Variants in PKN2 observed in about 807,000 individuals in gnomAD.
PKN2 encodes the protein serine/threonine-protein kinase N2.
Under a neutral mutation model 119.1 loss-of-function variants are expected in PKN2, and 38 were observed. The observed-to-expected ratio is 0.32, with a 90% CI of 0.25 to 0.42. PKN2 has a LOEUF of 0.42. Ranked by LOEUF, PKN2 falls within the 10% of genes least tolerant of loss-of-function variation. PKN2 has a pLI of 1.00. For missense variants in PKN2, 850 were observed against 1,165.1 expected, an observed-to-expected ratio of 0.73 and a Z score of 3.94; for synonymous variants, 390 against 384.9, an observed-to-expected ratio of 1.01 and a Z score of -0.15.
chr1:88,707,930 C>A (rs1363720478), intron 1 of PKN2, among the ~76,000 whole-genome samples: 1 of 151,932 alleles, frequency 6.6e-6, no homozygotes, highest in African/African-American at 2.4e-5. Context: ...GTTCTTGGGT[C>A]TATAGTTGTT....
intron 1 of PKN2, among the ~76,000 whole-genome samples, chr1:88,695,599 T>G (rs1476443437): frequency 6.6e-6 from 1 of 152,226 alleles, no homozygotes; most frequent in East Asian, 1.9e-4. Flanking sequence ...CTCATCTCTA[T>G]GTAGTGATAC....
At chr1:88,805,285 A>G (rs1005889779) in intron 10 of PKN2, among the ~76,000 whole-genome samples, 1 of 151,604 alleles carries the variant, frequency 6.6e-6, no homozygotes, top group Non-Finnish European at 1.5e-5. Context: ...TTAAAGAGAA[A>G]AAAACAATTT....
chr1:88,734,922 G>T (rs1049133046), intron 1 of PKN2, among the ~76,000 whole-genome samples: 1 of 151,990 alleles, frequency 6.6e-6, no homozygotes, highest in South Asian at 2.1e-4. Flanking sequence ...TGTAATTTTT[G>T]ATGTCCCATT....
At chr1:88,817,583 C>T (rs1672053139) in intron 16 of PKN2, among the ~76,000 whole-genome samples, 1 of 151,570 alleles carries the variant, frequency 6.6e-6, no homozygotes, top group Non-Finnish European at 1.5e-5. Flanking sequence ...CGGTGTAGGC[C>T]TGTAGTCTCG....
At chr1:88,799,691 T>C (rs1671231049) in intron 8 of PKN2, among the ~76,000 whole-genome samples, 1 of 152,214 alleles carries the variant, frequency 6.6e-6, no homozygotes, top group African/African-American at 2.4e-5. Flanking sequence ...AGATTTAGTC[T>C]AAATCAGATT....
intron 1 of PKN2, among the ~76,000 whole-genome samples, chr1:88,707,642 T>A (rs1262106889): frequency 6.6e-6 from 1 of 152,166 alleles, no homozygotes; most frequent in African/African-American, 2.4e-5. Context: ...ATAGTTCCTT[T>A]TCCTTACAGA....
intron 1 of PKN2, among the ~76,000 whole-genome samples, chr1:88,703,546 A>G (rs986446905): frequency 3.3e-5 from 5 of 152,176 alleles, no homozygotes; most frequent in Admixed American, 6.5e-5. Context: ...ATCCAGGCTA[A>G]TGATCTTTTC....
rs200205890 is a variant in PKN2 at position 88,708,972 on chromosome 1, T to TG, written c.48+24345dup. On this transcript the variant is annotated intron_variant, in intron 1 of 21. Coordinates refer to ENST00000370521, the MANE Select transcript of PKN2 (RefSeq NM_006256.4). ...CAGTTGTATTTTGACATTGAGCAGC[T>TG]GTCTTTCCATTCATTCAGCAAGTAT... 7.7e-3 allele frequency among the ~76,000 whole-genome samples: 1,174 copies of TG among 152,162 alleles called. 17 individuals carry two copies. Among genetic ancestry groups the TG allele is most frequent in the African/African-American group, 0.027 (1,120 of 41,506 alleles).
At chr1:88,832,450 A>G (rs1672768046) in intron 19 of PKN2, among the ~76,000 whole-genome samples, 1 of 152,050 alleles carries the variant, frequency 6.6e-6, no homozygotes, top group African/African-American at 2.4e-5. Flanking sequence ...AATTAAATGA[A>G]AAGTCATATC....
chr1:88,755,684 A>G (rs1669169202), intron 2 of PKN2, among the ~76,000 whole-genome samples: 1 of 152,152 alleles, frequency 6.6e-6, no homozygotes, highest in African/African-American at 2.4e-5. Context: ...TTTGTGGCTA[A>G]GGAAACTGTA....
At chr1:88,803,531 G>A (rs1432321537) in intron 8 of PKN2, among the ~76,000 whole-genome samples, 2 of 152,136 alleles carry the variant, frequency 1.3e-5, no homozygotes, top group African/African-American at 2.4e-5. Flanking sequence ...ATGTATATAC[G>A]TTAAAACATA....
chr1:88,721,860 A>T (rs114420957), intron 1 of PKN2, among the ~76,000 whole-genome samples: 3,518 of 152,312 alleles, frequency 0.023, 64 homozygotes, highest in Middle Eastern at 0.044. Flanking sequence ...GAAACCTCCT[A>T]CCACTCTATG....
In PKN2 at chr1:88,832,976, A is replaced by G; in HGVS notation, c.2671-101A>G. The G allele has an allele frequency of 4.6e-6, 6 of 1,317,834 alleles. No homozygotes were observed. The South Asian group carries it at 6.9e-5, about 15-fold the overall frequency. The allele number at this position is 1,317,834 out of a possible 1,614,324, so 81.6% of individuals were successfully genotyped here. On this transcript the variant is annotated intron_variant, in intron 20 of 21. Transcript: ENST00000370521. Reference sequence around the variant, plus strand: ...CATAAATGTTGCATGGCTTAGACAAAAAAAGACAAAATATATCTAAGTTTT... The same window carrying G: ...CATAAATGTTGCATGGCTTAGACAAGAAAAGACAAAATATATCTAAGTTTT...
intron 8 of PKN2, among the ~76,000 whole-genome samples, chr1:88,793,821 T>G (rs1670943725): frequency 6.6e-6 from 1 of 152,184 alleles, no homozygotes; most frequent in Non-Finnish European, 1.5e-5. Context: ...CTGTATTGTT[T>G]AGGGAATATT....
chr1:88,706,875 A>G (rs2100676638), intron 1 of PKN2, among the ~76,000 whole-genome samples: 1 of 152,258 alleles, frequency 6.6e-6, no homozygotes, highest in African/African-American at 2.4e-5. Context: ...TTGTCCAGAT[A>G]TCTTCCTTTT....
At chr1:88,820,184 A>C in intron 16 of PKN2, among the ~76,000 whole-genome samples, 1 of 4,264 alleles carries the variant, frequency 2.3e-4, no homozygotes, top group African/African-American at 3.1e-4. Context: ...AGAAACCTAT[A>C]TATATATATA....
At chr1:88,806,225 G>C (rs61766104) in intron 12 of PKN2, 9,768 of 509,724 alleles carry the variant, frequency 0.019, 138 homozygotes, top group Non-Finnish European at 0.026. Flanking sequence ...CATGATCTCG[G>C]CTCACTGCAA....
chr1:88,727,829 A>G (rs890152050), intron 1 of PKN2, among the ~76,000 whole-genome samples: 4 of 152,190 alleles, frequency 2.6e-5, no homozygotes, highest in African/African-American at 9.7e-5. Context: ...ATTTGATAAT[A>G]CTAACCGGAC....
At position 88,684,464 on chromosome 1, in the gene PKN2, G is replaced by C. The variant is rs1407674218; in HGVS notation, c.-117G>C. The C allele has an allele frequency of 1.2e-6, 1 of 860,480 alleles. No homozygotes were observed. The allele number at this position is 860,480 out of a possible 1,614,324, so 53.3% of individuals were successfully genotyped here. On this transcript the variant is annotated 5_prime_UTR_variant, in exon 1 of 22. It removes the in-frame stop codon of an upstream open reading frame in the 5' UTR. Transcript: ENST00000370521. ...GGGGCTGCGCCTCCATGAATCCCTA[G>C]TTGTTTTTTTTTTTTTCTTTCTCTC... is the stretch of plus-strand genomic sequence containing the variant.
Sources: gnomAD v4.1 joint callset for allele counts (sites outside exome capture counted in the v4.1 genomes callset) on GRCh38, gnomAD v4.1.1 for gene constraint, MANE v1.5 for transcripts, NCBI Gene and HGNC (gene_info 2026-07-23, HGNC 2026-07-21) for gene names.